Variants in MICAL2 observed in about 807,000 individuals in gnomAD.
The protein encoded by MICAL2 is [F-actin]-monooxygenase MICAL2.
Under a neutral mutation model 127.3 loss-of-function variants are expected in MICAL2, and 77 were observed. The ratio of observed to expected loss-of-function variants is 0.60; its 90% CI spans 0.50 to 0.73. The LOEUF (loss-of-function observed/expected upper bound fraction) is 0.73. Ranked by LOEUF, MICAL2 falls within the 30% of genes least tolerant of loss-of-function variation. The pLI is 0.00. For missense variants in MICAL2, 1,351 were observed against 1,434.4 expected, an observed-to-expected ratio of 0.94 and a Z score of 0.94; for synonymous variants, 570 against 551.1, an observed-to-expected ratio of 1.03 and a Z score of -0.48.
intron 3 of MICAL2, among the ~76,000 whole-genome samples, chr11:12,200,219 G>A (rs1457099189): frequency 6.6e-6 from 1 of 152,204 alleles, no homozygotes; most frequent in East Asian, 1.9e-4. Context: ...GCTGGTTCTG[G>A]GGAAGCAGAA....
chr11:12,118,083 T>G (rs1850188634), intron 1 of MICAL2, among the ~76,000 whole-genome samples: 1 of 152,136 alleles, frequency 6.6e-6, no homozygotes, highest in Admixed American at 6.5e-5. Context: ...ATTTCAGGCT[T>G]CTTCTGGATT....
downstream of MICAL2, chr11:12,293,856 C>A: frequency 6.2e-7 from 1 of 1,608,086 alleles, no homozygotes; most frequent in African/African-American, 1.3e-5. Flanking sequence ...AGGAGCTGGA[C>A]AGGGCAAGAG....
Position 12,183,536 on chromosome 11 carries a change from A to G in MICAL2, c.265-20714A>G, listed in dbSNP as rs545655625. On this transcript the variant is annotated intron_variant, in intron 3 of 27. Transcript: ENST00000683283. ...GACTGAACTGAGCCAAGAGAGGTGGATGGTGCATTTGGGGTCTTAAATATC... is the reference window on the plus strand; with the variant it reads ...GACTGAACTGAGCCAAGAGAGGTGGGTGGTGCATTTGGGGTCTTAAATATC... Among the ~76,000 whole-genome samples, 7 of 152,286 alleles carry G rather than the reference A, an allele frequency of 4.6e-5. No homozygotes were observed. In the East Asian group the frequency reaches 1.4e-3, roughly 29 times the overall value.
At chr11:12,342,184 G>C (rs1210161200) in intron 32 of MICAL2, among the ~76,000 whole-genome samples, 1 of 152,216 alleles carries the variant, frequency 6.6e-6, no homozygotes, top group Admixed American at 6.5e-5. Context: ...ACAGGCAGAG[G>C]CTGCTTGCCT....
At chr11:12,332,846 C>A (rs1938665655) in intron 32 of MICAL2, among the ~76,000 whole-genome samples, 1 of 152,162 alleles carries the variant, frequency 6.6e-6, no homozygotes, top group Non-Finnish European at 1.5e-5. Context: ...GAATTCTCTA[C>A]CTGACTAGTT....
chr11:12,340,934 C>G (rs1938854624), intron 32 of MICAL2, among the ~76,000 whole-genome samples: 1 of 152,124 alleles, frequency 6.6e-6, no homozygotes, highest in Admixed American at 6.5e-5. Flanking sequence ...ACTCCCAGAA[C>G]AGAATTGTGA....
chr11:12,359,334 CAAA>C (rs138650957), downstream of MICAL2, among the ~76,000 whole-genome samples: 103,375 of 137,420 alleles, frequency 0.75, 40,043 homozygotes, highest in East Asian at 0.91. Flanking sequence ...TTGATGATGG[CAAA>C]AAAAAAAAAA....
chr11:12,164,766 C>T (rs1855269474), intron 3 of MICAL2, among the ~76,000 whole-genome samples: 1 of 152,190 alleles, frequency 6.6e-6, no homozygotes, highest in Non-Finnish European at 1.5e-5. Context: ...GATTGGCAGC[C>T]CTTTCAAGCA....
chr11:12,241,134 C>G lies in MICAL2; in HGVS notation c.2309C>G (p.Pro770Arg), dbSNP rs150298654. Reference protein sequence around the residue: ...SCCPKPEEATPSPSPPLKRQF... With the variant: ...SCCPKPEEATRSPSPPLKRQF... ...TGCCCCAAGCCGGAGGAGGCCACAC[C>G]CAGCCCATCACCTCCTCTGAAAAGG... Residue 770 changes from proline to arginine, a missense_variant, in exon 18 of 28, where the codon CCC becomes CGC. Coordinates refer to ENST00000683283, the MANE Select transcript of MICAL2 (RefSeq NM_001282663.2). 9 of 1,614,098 alleles carry G rather than the reference C, an allele frequency of 5.6e-6. No individual in the cohort carries two copies. Among genetic ancestry groups the G allele is most frequent in the Non-Finnish European group, 7.6e-6 (9 of 1,179,988 alleles).
In MICAL2 at chr11:12,261,580, G is replaced by A. The variant is rs904716524; in HGVS notation, c.3335-900G>A. On this transcript the variant is annotated intron_variant, in intron 26 of 27. Coordinates refer to ENST00000683283, the MANE Select transcript of MICAL2 (RefSeq NM_001282663.2). ...GAGTTGCTGGGCCCAAGATAGCTCT[G>A]TGGAGTTATCACTAGAGATGCCTCT... 2.1e-5 allele frequency: 21 copies of A among 985,416 alleles called. No homozygotes were observed. The African/African-American group carries it at 3.5e-4, about 16-fold the overall frequency. The allele number at this position is 985,416 out of a possible 1,614,324, so 61.0% of individuals were successfully genotyped here.
intron 3 of MICAL2, among the ~76,000 whole-genome samples, chr11:12,193,576 A>G (rs1859492637): frequency 6.6e-6 from 1 of 152,190 alleles, no homozygotes; most frequent in African/African-American, 2.4e-5. Flanking sequence ...GGGAGAGAGA[A>G]GGGCCTAGAA....
intron 3 of MICAL2, among the ~76,000 whole-genome samples, chr11:12,164,248 T>C (rs1855199764): frequency 6.6e-6 from 1 of 152,202 alleles, no homozygotes; most frequent in Admixed American, 6.5e-5. Context: ...AAGCTCCTTT[T>C]GTTAGGGATG....
At chr11:12,216,798 C>T (rs757185338) in intron 8 of MICAL2, among the ~76,000 whole-genome samples, 2 of 152,232 alleles carry the variant, frequency 1.3e-5, no homozygotes, top group Non-Finnish European at 2.9e-5. Flanking sequence ...CTCCTCCAGA[C>T]TGTGGGCAAA....
intron 26 of MICAL2, 97 bp downstream of exon 26, chr11:12,259,994 G>A (rs1862881431): frequency 6.4e-7 from 1 of 1,557,206 alleles, no homozygotes; most frequent in East Asian, 2.4e-5. Flanking sequence ...CAAGCTGCTG[G>A]CCTCCATATC....
intron 8 of MICAL2, among the ~76,000 whole-genome samples, chr11:12,219,837 G>T (rs78685419): frequency 6.6e-6 from 1 of 152,086 alleles, no homozygotes; most frequent in South Asian, 2.1e-4. Flanking sequence ...CTCTCAACGC[G>T]CCCTGTTGAA....
intron 32 of MICAL2, among the ~76,000 whole-genome samples, chr11:12,331,208 A>T (rs1165124216): frequency 6.6e-6 from 1 of 152,180 alleles, no homozygotes; most frequent in East Asian, 1.9e-4. Flanking sequence ...CCACCATTCA[A>T]ATTTAAATGG....
chr11:12,337,532 T>C (rs1938787413), intron 32 of MICAL2, among the ~76,000 whole-genome samples: 1 of 152,206 alleles, frequency 6.6e-6, no homozygotes, highest in South Asian at 2.1e-4. Context: ...TCTAGTTCTT[T>C]TAATTGTGAT....
At chr11:12,296,173 T>C (rs1389158816), downstream of MICAL2, among the ~76,000 whole-genome samples, 1 of 152,070 alleles carries the variant, frequency 6.6e-6, no homozygotes. Flanking sequence ...ATGAGTTCTT[T>C]TTTGTCGTTG....
intron 33 of MICAL2, among the ~76,000 whole-genome samples, chr11:12,350,512 G>A (rs2134899889): frequency 6.6e-6 from 1 of 152,280 alleles, no homozygotes; most frequent in South Asian, 2.1e-4. Flanking sequence ...ATCAATTGAA[G>A]TGCCATAAGT....
Sources: allele counts gnomAD v4.1 joint callset (sites outside exome capture counted in the v4.1 genomes callset), GRCh38; gene constraint gnomAD v4.1.1; transcripts MANE v1.5; gene names NCBI Gene and HGNC (gene_info 2026-07-23, HGNC 2026-07-21).